TEAD4: variants seen among roughly 807,000 people sequenced by gnomAD.
TEAD4 encodes transcriptional enhancer factor TEF-3.
Under a neutral mutation model 52.4 loss-of-function variants are expected in TEAD4, and 36 were observed. That is an observed-to-expected ratio of 0.69 (90% CI 0.53 to 0.91). The LOEUF is 0.91. Among genes scored for constraint, TEAD4 ranks in the 40% least tolerant of loss-of-function variants. The pLI, the probability that TEAD4 is intolerant of heterozygous loss-of-function variation, is 0.00. For missense variants in TEAD4, 508 were observed against 583.9 expected, an observed-to-expected ratio of 0.87 and a Z score of 1.34; for synonymous variants, 220 against 231.0, an observed-to-expected ratio of 0.95 and a Z score of 0.43.
At position 3,013,072 on chromosome 12, in the gene TEAD4, C is replaced by T. The variant is rs193180150; in HGVS notation, c.354+840C>T. Among the ~76,000 whole-genome samples, 5 of 152,312 alleles carry T rather than the reference C, an allele frequency of 3.3e-5. No homozygotes were observed. The East Asian group carries it at 7.7e-4, about 24-fold the overall frequency. ...GCTCCAATCACACTCCCACCTCAGC[C>T]TCCTGAGTATCTGGGACCACAGGCA... On this transcript the variant is annotated intron_variant, in intron 5 of 12. Coordinates refer to ENST00000359864, the MANE Select transcript of TEAD4 (RefSeq NM_003213.4).
intron 11 of TEAD4, among the ~76,000 whole-genome samples, chr12:3,039,622 C>T (rs772306646): frequency 2.6e-4 from 40 of 152,178 alleles, no homozygotes; most frequent in Non-Finnish European, 4.9e-4. Flanking sequence ...CTGCCATCCC[C>T]GGTTCCTGCT....
intron 11 of TEAD4, among the ~76,000 whole-genome samples, chr12:3,039,253 T>C (rs2098281249): frequency 6.6e-6 from 1 of 152,344 alleles, no homozygotes; most frequent in Admixed American, 6.5e-5. Context: ...TTTAAAAAGT[T>C]CCTCAAATTA....
chr12:2,966,088 C>CCAACCTGG (rs1419360003), intron 2 of TEAD4, among the ~76,000 whole-genome samples: 2 of 152,144 alleles, frequency 1.3e-5, no homozygotes, highest in Non-Finnish European at 2.9e-5. Context: ...TACCTAGTAG[C>CCAACCTGG]CAACCTGGGT....
chr12:3,013,729 A>G (rs1224717266), intron 5 of TEAD4, among the ~76,000 whole-genome samples: 3 of 152,006 alleles, frequency 2.0e-5, no homozygotes, highest in Non-Finnish European at 4.4e-5. Flanking sequence ...GTGAGACTCC[A>G]TCTCAAAAAA....
chr12:3,022,045 T>C, intron 10 of TEAD4, 28 bp downstream of exon 10: 4 of 1,610,496 alleles, frequency 2.5e-6, no homozygotes, highest in Non-Finnish European at 3.4e-6. Context: ...CCTTCTTTCC[T>C]GCCACCAGCG....
chr12:3,024,174 A>C (rs1203212812), intron 10 of TEAD4, among the ~76,000 whole-genome samples: 1 of 151,804 alleles, frequency 6.6e-6, no homozygotes, highest in African/African-American at 2.4e-5. Context: ...TCCCGGGTTC[A>C]CGCCATTCTC....
intron 5 of TEAD4, among the ~76,000 whole-genome samples, chr12:3,013,350 T>C (rs1467514406): frequency 6.6e-6 from 1 of 151,854 alleles, no homozygotes; most frequent in Non-Finnish European, 1.5e-5. Context: ...GGAGCCGTTC[T>C]GGTCAAAGCT....
chr12:3,019,618 A>C lies in TEAD4; in HGVS notation c.583+448A>C, dbSNP rs546568380. ...CTGGTGGAGGCAGCCAGCGGTGCTG[A>C]CAGGAGCCCCCACCCCGCCCTCTCA... On this transcript the variant is annotated intron_variant, in intron 8 of 12. Coordinates refer to ENST00000359864, the MANE Select transcript of TEAD4 (RefSeq NM_003213.4). 5.9e-5 allele frequency among the ~76,000 whole-genome samples: 9 copies of C among 152,246 alleles called. No individual in the cohort carries two copies. In the East Asian group the frequency reaches 1.5e-3, roughly 26 times the overall value.
Position 3,038,028 on chromosome 12 carries a change from T to C in TEAD4, c.958T>C (p.Tyr320His). 6.2e-7 allele frequency: 1 copy of C among 1,614,112 alleles called. No homozygotes were observed. Among genetic ancestry groups the C allele is most frequent in the Non-Finnish European group, 8.5e-7 (1 of 1,180,000 alleles). Residue 320 changes from tyrosine (Y) to histidine (H), a missense_variant, in exon 11 of 13, where the codon TAT becomes CAT. Transcript: ENST00000359864. ...CTCCTTCTATGGGGTCTCCAGCCAG[T>C]ATGAGAGCCCCGAGAACATGATCAT...
At chr12:2,993,890 C>T (rs922485316) in intron 2 of TEAD4, among the ~76,000 whole-genome samples, 9 of 152,230 alleles carry the variant, frequency 5.9e-5, no homozygotes, top group Non-Finnish European at 1.0e-4. Context: ...TGCTGCAGCA[C>T]GTGTCCCGGT....
At chr12:2,984,774 A>T (rs895476415) in intron 2 of TEAD4, among the ~76,000 whole-genome samples, 6 of 152,240 alleles carry the variant, frequency 3.9e-5, no homozygotes, top group Non-Finnish European at 7.3e-5. Context: ...ATTCCTAAAC[A>T]TAGAAAAGGT....
intron 2 of TEAD4, among the ~76,000 whole-genome samples, chr12:2,975,326 T>C (rs1200375730): frequency 2.0e-5 from 3 of 151,772 alleles, no homozygotes; most frequent in Non-Finnish European, 4.4e-5. Context: ...TTGATGTACA[T>C]TTGTTGCAAT....
intron 3 of TEAD4, among the ~76,000 whole-genome samples, chr12:3,008,520 T>A (rs2153956398): frequency 6.6e-6 from 1 of 152,164 alleles, no homozygotes; most frequent in East Asian, 1.9e-4. Flanking sequence ...TTCGATAGGG[T>A]CGCTGCAGCT....
At chr12:3,037,138 G>A (rs2098279912) in intron 10 of TEAD4, among the ~76,000 whole-genome samples, 2 of 152,336 alleles carry the variant, frequency 1.3e-5, no homozygotes, top group South Asian at 4.1e-4. Context: ...TCTGAGGCAA[G>A]GTGAGAAGCT....
chr12:2,990,461 CTTTTT>C (rs71057876), intron 2 of TEAD4, among the ~76,000 whole-genome samples: 11 of 67,036 alleles, frequency 1.6e-4, no homozygotes, highest in African/African-American at 5.3e-4. Context: ...GACAGATAAT[CTTTTT>C]TTTTTTTTTT....
intron 3 of TEAD4, among the ~76,000 whole-genome samples, chr12:3,007,911 T>G (rs1406641338): frequency 6.6e-6 from 1 of 152,206 alleles, no homozygotes; most frequent in Admixed American, 6.5e-5. Flanking sequence ...TTTAACTTAC[T>G]CCTTTGTCTT....
At chr12:2,995,160 G>A (rs558644824) in intron 3 of TEAD4, among the ~76,000 whole-genome samples, 168 bp downstream of exon 3, 20 of 152,168 alleles carry the variant, frequency 1.3e-4, no homozygotes, top group Admixed American at 7.2e-4. Flanking sequence ...GGCATCTGAG[G>A]AGAAGCCTGT....
chr12:2,990,794 G>A (rs2878392), intron 2 of TEAD4, among the ~76,000 whole-genome samples: 16,312 of 151,984 alleles, frequency 0.11, 1,911 homozygotes, highest in African/African-American at 0.26. Context: ...GAGAATCTTC[G>A]CTGTCATATT....
chr12:2,967,190 GA>G (rs1192500745), intron 2 of TEAD4, among the ~76,000 whole-genome samples: 2 of 140,380 alleles, frequency 1.4e-5, no homozygotes, highest in South Asian at 2.6e-4. Flanking sequence ...AGGCATAAAG[GA>G]AAAAAATGAT....
Sources: gnomAD v4.1 joint callset for allele counts (sites outside exome capture counted in the v4.1 genomes callset) on GRCh38, gnomAD v4.1.1 for gene constraint, MANE v1.5 for transcripts, NCBI Gene and HGNC (gene_info 2026-07-23, HGNC 2026-07-21) for gene names.